The following PRKG1 variants were observed in gnomAD, a reference collection of about 807,000 sequenced individuals.
PRKG1 encodes cGMP-dependent protein kinase 1.
Under a neutral mutation model 88.1 loss-of-function variants are expected in PRKG1, and 35 were observed. That is an observed-to-expected ratio of 0.40 (90% CI 0.30 to 0.53). The LOEUF is 0.53. Ranked by LOEUF, PRKG1 falls within the 20% of genes least tolerant of loss-of-function variation. The pLI is 0.59. For missense variants in PRKG1, 540 were observed against 839.8 expected (o/e 0.64, Z 4.41); for synonymous variants, 303 against 292.5 (o/e 1.04, Z -0.37).
At chr10:52,205,817 T>C (rs1215566970) in intron 9 of PRKG1, among the ~76,000 whole-genome samples, 1 of 152,138 alleles carries the variant, frequency 6.6e-6, no homozygotes, top group Non-Finnish European at 1.5e-5. Flanking sequence ...GTAGGTGATC[T>C]GTTCCTTCTC....
chr10:52,261,240 C>T (rs1162884664), intron 10 of PRKG1, among the ~76,000 whole-genome samples: 1 of 151,748 alleles, frequency 6.6e-6, no homozygotes, highest in African/African-American at 2.4e-5. Context: ...AGCTGTAGAA[C>T]TGATTTTAAG....
intron 7 of PRKG1, among the ~76,000 whole-genome samples, chr10:52,115,990 C>G (rs922362841): frequency 1.3e-5 from 2 of 151,982 alleles, no homozygotes; most frequent in Non-Finnish European, 2.9e-5. Flanking sequence ...GAGCTCCACT[C>G]AGCAATATAG....
intron 3 of PRKG1, chr10:51,696,429 G>A (rs1172819409): frequency 6.6e-6 from 1 of 151,848 alleles, no homozygotes; most frequent in African/African-American, 2.4e-5. Flanking sequence ...CTGATTTTTG[G>A]GAAGGATGTA....
chr10:51,753,531 G>A lies in PRKG1; in HGVS notation c.593-51054G>A, dbSNP rs7901395. On this transcript the variant is annotated intron_variant, in intron 3 of 17. Transcript: ENST00000373980. ...TATTGAATTTCTCGCAATACAATTA[G>A]TTTTCCTCAAAATGACTGGCCTTAT... 4.0e-3 allele frequency among the ~76,000 whole-genome samples: 607 copies of A among 152,226 alleles called. 1 individual carries two copies. The highest frequency in any genetic ancestry group is 0.014 in the African/African-American group (585 of 41,552).
At chr10:51,578,281 A>AG (rs1462423703) in intron 3 of PRKG1, among the ~76,000 whole-genome samples, 37 of 152,134 alleles carry the variant, frequency 2.4e-4, no homozygotes, top group Admixed American at 1.6e-3. Context: ...AAGTGGTCAA[A>AG]TTAATAACCT....
intron 5 of PRKG1, among the ~76,000 whole-genome samples, chr10:52,047,888 G>A (rs1325186672): frequency 6.6e-6 from 1 of 151,954 alleles, no homozygotes; most frequent in Admixed American, 6.6e-5. Flanking sequence ...AAAGAATAAG[G>A]TACAAACCAT....
chr10:51,428,426 A>G (rs1838659217), intron 2 of PRKG1, among the ~76,000 whole-genome samples: 1 of 152,232 alleles, frequency 6.6e-6, no homozygotes, highest in African/African-American at 2.4e-5. Context: ...AAAAAGAAGT[A>G]TAGGGATTTC....
At chr10:52,000,208 T>C (rs1169270059) in intron 5 of PRKG1, among the ~76,000 whole-genome samples, 1 of 152,102 alleles carries the variant, frequency 6.6e-6, no homozygotes, top group Non-Finnish European at 1.5e-5. Context: ...CTGCATTGTT[T>C]TATGATAGGA....
chr10:52,143,811 TAA>T (rs1589645758), intron 8 of PRKG1, among the ~76,000 whole-genome samples: 1 of 151,934 alleles, frequency 6.6e-6, no homozygotes, highest in Non-Finnish European at 1.5e-5. Context: ...ACAGAGCAGT[TAA>T]AAGAGTAAAT....
At chr10:51,933,913 C>T (rs1456261712) in intron 5 of PRKG1, among the ~76,000 whole-genome samples, 1 of 152,034 alleles carries the variant, frequency 6.6e-6, no homozygotes, top group Non-Finnish European at 1.5e-5. Flanking sequence ...ACATGAATAA[C>T]ACTTAGTTGT....
At chr10:51,006,026 T>C (rs1842937284) in intron 1 of PRKG1, among the ~76,000 whole-genome samples, 2 of 152,198 alleles carry the variant, frequency 1.3e-5, no homozygotes, top group South Asian at 4.1e-4. Context: ...CTCTGAAGGC[T>C]GGAGGGGGAG....
intron 10 of PRKG1, among the ~76,000 whole-genome samples, chr10:52,262,854 G>A (rs891956696): frequency 4.6e-5 from 7 of 151,992 alleles, no homozygotes; most frequent in Non-Finnish European, 8.8e-5. Flanking sequence ...CTAATACAAT[G>A]CAAATGTTAT....
intron 1 of PRKG1, among the ~76,000 whole-genome samples, chr10:51,116,482 A>G (rs2131906973): frequency 6.6e-6 from 1 of 152,326 alleles, no homozygotes; most frequent in East Asian, 1.9e-4. Context: ...GATGAACAGT[A>G]TTCATGTATC....
chr10:51,327,599 A>G (rs1289253435), intron 2 of PRKG1, among the ~76,000 whole-genome samples: 1 of 152,146 alleles, frequency 6.6e-6, no homozygotes, highest in Non-Finnish European at 1.5e-5. Context: ...TTGTGCAGAC[A>G]TCATAGAGTA....
intron 2 of PRKG1, among the ~76,000 whole-genome samples, chr10:51,294,742 A>C (rs1430952093): frequency 6.6e-6 from 1 of 152,124 alleles, no homozygotes; most frequent in Non-Finnish European, 1.5e-5. Flanking sequence ...TTTAAATCAG[A>C]AAGTGTGATA....
At chr10:51,573,064 C>T (rs1837798048) in intron 3 of PRKG1, among the ~76,000 whole-genome samples, 1 of 151,834 alleles carries the variant, frequency 6.6e-6, no homozygotes, top group Non-Finnish European at 1.5e-5. Context: ...GATTAAACTA[C>T]AATCTCTAAG....
intron 2 of PRKG1, among the ~76,000 whole-genome samples, chr10:51,343,118 A>C (rs1341274391): frequency 6.6e-6 from 1 of 152,204 alleles, no homozygotes; most frequent in Non-Finnish European, 1.5e-5. Context: ...GTGAGCTTCC[A>C]TGCTACTACT....
At chr10:51,494,392 G>A (rs1373044113) in intron 3 of PRKG1, among the ~76,000 whole-genome samples, 2 of 152,200 alleles carry the variant, frequency 1.3e-5, no homozygotes, top group African/African-American at 2.4e-5. Context: ...GGTAACTATT[G>A]CCAGTATCTG....
intron 1 of PRKG1, chr10:51,148,300 T>C (rs1005502683): frequency 8.1e-6 from 8 of 982,720 alleles, no homozygotes; most frequent in Non-Finnish European, 2.4e-6. Context: ...CCCCTGACAT[T>C]TGATCCCAAA....
Sources: gnomAD v4.1 joint callset for allele counts (sites outside exome capture counted in the v4.1 genomes callset) on GRCh38, gnomAD v4.1.1 for gene constraint, MANE v1.5 for transcripts, NCBI Gene and HGNC (gene_info 2026-07-23, HGNC 2026-07-21) for gene names.